Variants in PDE9A observed in about 807,000 individuals in gnomAD.
PDE9A encodes phosphodiesterase 9A.
PDE9A carries 60 observed loss-of-function variants against 87.4 expected under a neutral mutation model. The ratio of observed to expected loss-of-function variants is 0.69; its 90% CI spans 0.56 to 0.85. PDE9A has a LOEUF of 0.85. Among genes scored for constraint, PDE9A ranks in the 40% least tolerant of loss-of-function variants. The probability of loss-of-function intolerance (pLI) is 0.00; values close to 1 mark genes in which losing one functional copy is unlikely to be tolerated. For missense variants in PDE9A, 665 were observed against 779.0 expected (o/e 0.85, Z 1.74); for synonymous variants, 272 against 279.4 (o/e 0.97, Z 0.27).
rs2059897152 is a variant in PDE9A at position 42,692,396 on chromosome 21, C to A, written c.218+4402C>A. The stretch of plus-strand genomic sequence containing the variant: ...ACAGGACAGGCCCACAACAATGACA[C>A]ACGTGGCCGGAGACATCAGCGGTGC... On this transcript the variant is annotated intron_variant, in intron 3 of 19. Transcript: ENST00000291539. The surrounding 1 kb of genome is among the most constrained non-coding windows in gnomAD (Gnocchi z 4.3). Among the ~76,000 whole-genome samples, 1 of 152,194 alleles carries A rather than the reference C, an allele frequency of 6.6e-6. No homozygotes were observed. The highest frequency in any genetic ancestry group is 2.4e-5 in the African/African-American group (1 of 41,444).
intron 1 of PDE9A, among the ~76,000 whole-genome samples, chr21:42,665,575 AC>A (rs1251575282): frequency 6.6e-6 from 1 of 151,842 alleles, no homozygotes; most frequent in African/African-American, 2.4e-5. Context: ...CTTGGTGGCC[AC>A]CCCCGACCTT....
Position 42,739,935 on chromosome 21 carries a change from C to T in PDE9A, c.569-3841C>T, listed in dbSNP as rs1201962327. 6.6e-6 allele frequency among the ~76,000 whole-genome samples: 1 copy of T among 152,058 alleles called. No homozygotes were observed. The highest frequency in any genetic ancestry group is 1.5e-5 in the Non-Finnish European group (1 of 68,006). The stretch of plus-strand genomic sequence containing the variant: ...TTTCCTCGGGGGATAAAAAGAAAAA[C>T]GTGAGCTGCGACAGCAGCCACTAAC... On this transcript the variant is annotated intron_variant, in intron 7 of 19. Transcript: ENST00000291539. This position sits in a 1 kb window ranked among gnomAD's most constrained non-coding sequence, Gnocchi z 4.1.
intron 19 of PDE9A, 50 bp from the exon 20 acceptor site, chr21:42,775,230 G>A (rs574264561): frequency 3.6e-5 from 57 of 1,600,878 alleles, no homozygotes; most frequent in South Asian, 1.4e-4. Flanking sequence ...GTGAGCCACC[G>A]CGCCCTAATT....
rs368794000 is a variant in PDE9A, at chr21:42,774,363, A to G, written c.1769-917A>G. Among the ~76,000 whole-genome samples the G allele has an allele frequency of 9.2e-5, 14 of 152,326 alleles. No homozygotes were observed. In the South Asian group the frequency reaches 1.2e-3, roughly 14 times the overall value. ...AAGTGTCCCAGCCTCTCTGAACCTC[A>G]GAGCCCCAGTCTCTAAGCCAGAGGC... On this transcript the variant is annotated intron_variant, in intron 19 of 19. Coordinates refer to ENST00000291539, the MANE Select transcript of PDE9A (RefSeq NM_002606.3).
intron 4 of PDE9A, among the ~76,000 whole-genome samples, chr21:42,726,624 A>ATATATATATTTTTT: frequency 4.6e-4 from 9 of 19,780 alleles, no homozygotes; most frequent in Non-Finnish European, 6.7e-4. Context: ...ATATATATAT[A>ATATATATATTTTTT]TTTTTTTTTT....
In PDE9A at chr21:42,769,256, GACAC is replaced by G. The variant is rs779900153; in HGVS notation, c.1590+106_1590+109del. The G allele has an allele frequency of 2.2e-5, 25 of 1,119,564 alleles. No individual in the cohort carries two copies. In the South Asian group the frequency reaches 2.6e-4, roughly 12 times the overall value. The allele number at this position is 1,119,564 out of a possible 1,614,324, so 69.4% of individuals were successfully genotyped here. A position where few individuals can be genotyped will look rare whatever the true frequency, so the allele number is the denominator to read the frequency against. The stretch of plus-strand genomic sequence containing the variant: ...ACACATATGCACACAGGTACACACA[GACAC>G]ACACTCATGCACACACGTACACAGA... On this transcript the variant is annotated intron_variant, in intron 17 of 19. Coordinates refer to ENST00000291539, the MANE Select transcript of PDE9A (RefSeq NM_002606.3).
intron 8 of PDE9A, among the ~76,000 whole-genome samples, chr21:42,748,881 C>T (rs17115411): frequency 0.094 from 14,237 of 152,202 alleles, 1,171 homozygotes; most frequent in African/African-American, 0.22. Context: ...TTTTTTGGCA[C>T]TTGCTTTCAG....
chr21:42,669,859 C>A (rs891660593), intron 1 of PDE9A, among the ~76,000 whole-genome samples: 2 of 152,176 alleles, frequency 1.3e-5, no homozygotes, highest in Non-Finnish European at 2.9e-5. Flanking sequence ...AGGGACAGAG[C>A]TGGAATTGAG....
At chr21:42,686,396 A>G (rs892820681) in intron 2 of PDE9A, 134 bp downstream of exon 2, 12 of 674,618 alleles carry the variant, frequency 1.8e-5, no homozygotes, top group Non-Finnish European at 2.1e-5. Context: ...TTCGAAATCA[A>G]TCAATGCGCA....
Position 42,686,322 on chromosome 21 carries a change from A to C in PDE9A, c.140+60A>C, listed in dbSNP as rs993006282. 11 of 1,418,996 alleles carry C rather than the reference A, an allele frequency of 7.8e-6. No homozygotes were observed. The African/African-American group carries it at 1.4e-4, about 18-fold the overall frequency. 87.9% of individuals were successfully genotyped at this position (1,418,996 alleles called of 1,614,324 possible). A position where few individuals can be genotyped will look rare whatever the true frequency, so the allele number is the denominator to read the frequency against. ...CACGCGGCCTCCTCGCCTTTTCGGG[A>C]TGGCTGGGAGGGGCGGGAAGAGGCG... is the stretch of plus-strand genomic sequence containing the variant. On this transcript the variant is annotated intron_variant, in intron 2 of 19. Transcript: ENST00000291539.
At chr21:42,712,754 C>G (rs1359490333) in intron 4 of PDE9A, among the ~76,000 whole-genome samples, 2 of 152,090 alleles carry the variant, frequency 1.3e-5, no homozygotes, top group Non-Finnish European at 2.9e-5. Context: ...TAACTTTTAT[C>G]AAATGTTCTC....
chr21:42,750,759 A>T (rs1466965560), intron 8 of PDE9A, among the ~76,000 whole-genome samples: 8 of 149,878 alleles, frequency 5.3e-5, no homozygotes, highest in African/African-American at 1.8e-4. Flanking sequence ...TATTATTATT[A>T]TTTTTTTAAT....
chr21:42,760,475 G>A lies in PDE9A; in HGVS notation c.1002+43G>A. 8.2e-7 allele frequency: 1 copy of A among 1,219,136 alleles called. No homozygotes were observed. The allele number at this position is 1,219,136 out of a possible 1,614,324, so 75.5% of individuals were successfully genotyped here. ...CACACCCAGACCTCTACTCTCGGGG[G>A]TCAGACGGAGGCCCCCTTCCAGGGA... On this transcript the variant is annotated intron_variant, in intron 12 of 19. Coordinates refer to ENST00000291539, the MANE Select transcript of PDE9A (RefSeq NM_002606.3). The surrounding 1 kb of genome is among the most constrained non-coding windows in gnomAD (Gnocchi z 5.2).
intron 19 of PDE9A, among the ~76,000 whole-genome samples, chr21:42,773,491 G>A (rs2057209228): frequency 6.6e-6 from 1 of 152,156 alleles, no homozygotes; most frequent in Non-Finnish European, 1.5e-5. Flanking sequence ...ATGCAGAGCA[G>A]CCGTTTGTTC....
intron 13 of PDE9A, among the ~76,000 whole-genome samples, 167 bp from the exon 14 acceptor site, chr21:42,761,916 G>A (rs187396614): frequency 5.2e-4 from 79 of 152,194 alleles, no homozygotes; most frequent in Non-Finnish European, 7.8e-4. Context: ...GCAGCTGAGC[G>A]GCAGGAGGGA....
chr21:42,746,197 G>A (rs1022048794), intron 8 of PDE9A, among the ~76,000 whole-genome samples: 7 of 152,244 alleles, frequency 4.6e-5, no homozygotes, highest in Non-Finnish European at 8.8e-5. Flanking sequence ...CGCTCCTGGC[G>A]TGGTTTCTGG....
intron 4 of PDE9A, among the ~76,000 whole-genome samples, chr21:42,717,095 G>T (rs2050002407): frequency 6.6e-6 from 1 of 151,182 alleles, no homozygotes; most frequent in South Asian, 2.1e-4. Context: ...GTTTTCTGAA[G>T]AAATTATGAA....
rs34581078 is a variant in PDE9A, at chr21:42,704,433, AACACACACAC to A, written c.262+5450_262+5459del. On this transcript the variant is annotated intron_variant, in intron 4 of 19. Coordinates refer to ENST00000291539, the MANE Select transcript of PDE9A (RefSeq NM_002606.3). The surrounding 1 kb of genome is among the most constrained non-coding windows in gnomAD (Gnocchi z 5.3). Reference sequence around the variant, plus strand: ...CAGGTAGACCCCCCCCACCCCACCAAACACACACACACACACACACACACACACACACACA... The same window carrying A: ...CAGGTAGACCCCCCCCACCCCACCAAACACACACACACACACACACACACA... 7.3e-5 allele frequency among the ~76,000 whole-genome samples: 10 copies of A among 137,116 alleles called. No homozygotes were observed. The highest frequency in any genetic ancestry group is 2.2e-4 in the East Asian group (1 of 4,590). The allele number at this position is 137,116 out of a possible 152,430, so 90.0% of individuals were successfully genotyped here.
At chr21:42,732,682 A>G (rs1050286422) in intron 6 of PDE9A, among the ~76,000 whole-genome samples, 14 of 152,206 alleles carry the variant, frequency 9.2e-5, no homozygotes, top group African/African-American at 3.4e-4. Flanking sequence ...TGGGAGGCGG[A>G]GGCGGGCAGA....
Sources: gnomAD v4.1 joint callset for allele counts (sites outside exome capture counted in the v4.1 genomes callset) on GRCh38, gnomAD v4.1.1 for gene constraint, Gnocchi (gnomAD v3.1) non-coding constraint, MANE v1.5 for transcripts, NCBI Gene and HGNC (gene_info 2026-07-23, HGNC 2026-07-21) for gene names.